The following RBFOX3 variants were observed in gnomAD, a reference collection of about 807,000 sequenced individuals.
The protein encoded by RBFOX3 is RNA binding protein fox-1 homolog 3.
In RBFOX3, 17 loss-of-function variants were observed where a neutral mutation model predicts 48.7. That is an observed-to-expected ratio of 0.35 (90% confidence interval 0.24 to 0.52). RBFOX3 has a LOEUF of 0.52. RBFOX3 is among the 20% of genes least tolerant of loss of function. The probability of loss-of-function intolerance (pLI) is 0.94; values close to 1 mark genes in which losing one functional copy is unlikely to be tolerated. For missense variants in RBFOX3, 382 were observed against 497.5 expected, an observed-to-expected ratio of 0.77 and a Z score of 2.21; for synonymous variants, 212 against 209.5, an observed-to-expected ratio of 1.01 and a Z score of -0.10.
At chr17:79,100,307 G>A (rs1184364194) in intron 9 of RBFOX3, 1 of 152,198 alleles carries the variant, frequency 6.6e-6, no homozygotes, top group Non-Finnish European at 1.5e-5. Context: ...TTTACTTCCT[G>A]TGCCAAGTGC....
At chr17:79,430,490 G>A (rs2068232627) in intron 2 of RBFOX3, among the ~76,000 whole-genome samples, 1 of 152,074 alleles carries the variant, frequency 6.6e-6, no homozygotes, top group African/African-American at 2.4e-5. Flanking sequence ...ATACGCTTTT[G>A]CAAGTACTTT....
intron 1 of RBFOX3, among the ~76,000 whole-genome samples, chr17:79,484,324 G>A (rs1398664761): frequency 6.6e-6 from 1 of 152,224 alleles, no homozygotes; most frequent in Non-Finnish European, 1.5e-5. Flanking sequence ...AATGCCTGGG[G>A]AACATCTGCC....
intron 4 of RBFOX3, among the ~76,000 whole-genome samples, chr17:79,201,568 T>C (rs2056759800): frequency 6.6e-6 from 1 of 152,254 alleles, no homozygotes; most frequent in Non-Finnish European, 1.5e-5. Context: ...TCATGATTTC[T>C]GTCCATCCTC....
In RBFOX3 at chr17:79,199,530, G is replaced by A. The variant is rs1241883321; in HGVS notation, c.-34+36236C>T. On this transcript the variant is annotated intron_variant, in intron 4 of 14. Coordinates refer to ENST00000693108, the MANE Select transcript of RBFOX3 (RefSeq NM_001350451.2). The surrounding 1 kb of genome is among the most constrained non-coding windows in gnomAD (Gnocchi z 5.1). Reference sequence around the variant, plus strand: ...GCCTGAACCCAGTCACTGACTTAGGGCTGCCAGTGACCTCTGTGGTGGGAA... The same window carrying A: ...GCCTGAACCCAGTCACTGACTTAGGACTGCCAGTGACCTCTGTGGTGGGAA... 6.6e-6 allele frequency among the ~76,000 whole-genome samples: 1 copy of A among 152,198 alleles called. No homozygotes were observed. The highest frequency in any genetic ancestry group is 2.4e-5 in the African/African-American group (1 of 41,454).
chr17:79,131,551 C>G (rs1483807447), intron 4 of RBFOX3, among the ~76,000 whole-genome samples: 1 of 152,240 alleles, frequency 6.6e-6, no homozygotes, highest in African/African-American at 2.4e-5. Flanking sequence ...ACGCTCACTC[C>G]AACTCCAAAC....
chr17:79,126,595 C>T (rs1047723723), intron 4 of RBFOX3, among the ~76,000 whole-genome samples: 11 of 152,142 alleles, frequency 7.2e-5, no homozygotes, highest in African/African-American at 2.7e-4. Flanking sequence ...TGTCTATACA[C>T]CCAAGGGCGT....
In RBFOX3 at chr17:79,198,917, C is replaced by T. The variant is rs1429816920; in HGVS notation, c.-34+36849G>A. On this transcript the variant is annotated intron_variant, in intron 4 of 14. Coordinates refer to ENST00000693108, the MANE Select transcript of RBFOX3 (RefSeq NM_001350451.2). The surrounding 1 kb of genome is among the most constrained non-coding windows in gnomAD (Gnocchi z 8.2). ...GTGCTGGGATTACAGGTGTGAGCCACTGCACCTGGCCGAGCTTTTTGATGC... is the reference window on the plus strand; with the variant it reads ...GTGCTGGGATTACAGGTGTGAGCCATTGCACCTGGCCGAGCTTTTTGATGC... 6.6e-6 allele frequency among the ~76,000 whole-genome samples: 1 copy of T among 152,216 alleles called. No homozygotes were observed. The highest frequency in any genetic ancestry group is 1.5e-5 in the Non-Finnish European group (1 of 68,044).
At chr17:79,097,567 C>A in intron 10 of RBFOX3, 125 bp downstream of exon 10, 1 of 1,367,964 alleles carries the variant, frequency 7.3e-7, no homozygotes, top group Non-Finnish European at 9.8e-7. Flanking sequence ...TCAGTCAACA[C>A]GGCGACGGGA....
rs146782807 is a variant in RBFOX3 at position 79,258,712 on chromosome 17, G to A, written c.-73-22907C>T. ...GGCCCTTTGGAAGATCAGGAGGCAG[G>A]GGCTGGTTGGTGGGGGGTGCACTCA... On this transcript the variant is annotated intron_variant, in intron 3 of 14. Coordinates refer to ENST00000693108, the MANE Select transcript of RBFOX3 (RefSeq NM_001350451.2). Among the ~76,000 whole-genome samples, 547 of 152,334 alleles carry A rather than the reference G, an allele frequency of 3.6e-3. 2 individuals carry two copies. The highest frequency in any genetic ancestry group is 0.012 in the African/African-American group (507 of 41,580).
intron 4 of RBFOX3, among the ~76,000 whole-genome samples, chr17:79,164,272 AAGGTT>A (rs2047555873): frequency 6.6e-6 from 1 of 152,172 alleles, no homozygotes; most frequent in Non-Finnish European, 1.5e-5. Flanking sequence ...TCAGGAGTCC[AAGGTT>A]AGGGCATAGT....
intron 2 of RBFOX3, among the ~76,000 whole-genome samples, chr17:79,324,555 A>G (rs2079026374): frequency 6.6e-6 from 1 of 152,188 alleles, no homozygotes; most frequent in Non-Finnish European, 1.5e-5. Flanking sequence ...TGGTGGGCAG[A>G]CAAGCAGGTG....
At position 79,362,699 on chromosome 17, in the gene RBFOX3, C is replaced by T. The variant is rs1401557864; in HGVS notation, c.-174-54875G>A. 1.3e-5 allele frequency among the ~76,000 whole-genome samples: 2 copies of T among 152,230 alleles called. No individual in the cohort carries two copies. Among genetic ancestry groups the T allele is most frequent in the Admixed American group, 1.3e-4 (2 of 15,288 alleles). ...GAGCCAGTTACTGGCACCTCATCTC[C>T]ACTGGCTCTGAGCTGCACAGGCTCA... On this transcript the variant is annotated intron_variant, in intron 2 of 14. Transcript: ENST00000693108. The surrounding 1 kb of genome is among the most constrained non-coding windows in gnomAD (Gnocchi z 4.2).
At chr17:79,455,033 G>C (rs2074236006) in intron 2 of RBFOX3, among the ~76,000 whole-genome samples, 1 of 151,934 alleles carries the variant, frequency 6.6e-6, no homozygotes, top group Admixed American at 6.6e-5. Flanking sequence ...CCCCTTTATG[G>C]GGTGTGCACA....
chr17:79,109,804 C>T (rs1168005846), intron 5 of RBFOX3, among the ~76,000 whole-genome samples: 2 of 152,204 alleles, frequency 1.3e-5, no homozygotes, highest in Non-Finnish European at 2.9e-5. Context: ...CGCCCACCCA[C>T]AGGCGCTGGG....
At chr17:79,281,060 C>A (rs2070355835) in intron 3 of RBFOX3, among the ~76,000 whole-genome samples, 1 of 152,246 alleles carries the variant, frequency 6.6e-6, no homozygotes, top group African/African-American at 2.4e-5. Flanking sequence ...GTGGCAGTGA[C>A]AGATTTCACA....
intron 4 of RBFOX3, among the ~76,000 whole-genome samples, chr17:79,166,158 C>T (rs577203606): frequency 6.6e-6 from 1 of 152,192 alleles, no homozygotes; most frequent in Non-Finnish European, 1.5e-5. Flanking sequence ...CTGTTCCCCC[C>T]CCGGGCAGGT....
At chr17:79,557,122 G>A (rs2143986222) in intron 1 of RBFOX3, among the ~76,000 whole-genome samples, 1 of 150,108 alleles carries the variant, frequency 6.7e-6, no homozygotes, top group South Asian at 2.1e-4. Flanking sequence ...GTGGACACCT[G>A]TAATCCCAGC....
chr17:79,533,636 TC>T (rs2088212354), intron 1 of RBFOX3, among the ~76,000 whole-genome samples: 1 of 152,186 alleles, frequency 6.6e-6, no homozygotes, highest in South Asian at 2.1e-4. Context: ...AAGGGGAAGC[TC>T]TCAGGGTGTG....
intron 1 of RBFOX3, among the ~76,000 whole-genome samples, chr17:79,551,743 T>A (rs1036162393): frequency 1.1e-4 from 16 of 152,160 alleles, no homozygotes; most frequent in Non-Finnish European, 7.3e-5. Context: ...TTTCTCCTCA[T>A]GGTCTTGCTT....
Sources: allele counts gnomAD v4.1 joint callset (sites outside exome capture counted in the v4.1 genomes callset), GRCh38; gene constraint gnomAD v4.1.1; non-coding constraint Gnocchi (gnomAD v3.1); transcripts MANE v1.5; gene names NCBI Gene and HGNC (gene_info 2026-07-23, HGNC 2026-07-21).